Variants in EXOC4 observed in about 807,000 individuals in gnomAD.
EXOC4 encodes the protein exocyst complex component 4.
A neutral mutation model predicts 107.2 loss-of-function variants in EXOC4; 71 were observed. That is an observed-to-expected ratio of 0.66 (90% CI 0.55 to 0.81). The LOEUF (loss-of-function observed/expected upper bound fraction) is 0.81. Among genes scored for constraint, EXOC4 ranks in the 30% least tolerant of loss-of-function variants. The pLI, the probability that EXOC4 is intolerant of heterozygous loss-of-function variation, is 0.00. For synonymous variants in EXOC4, 456 were observed against 441.2 expected (o/e 1.03, Z -0.42); for missense variants, 1,108 against 1,189.6 (o/e 0.93, Z 1.01).
chr7:133,803,241 T>G (rs1028183780), intron 10 of EXOC4, among the ~76,000 whole-genome samples: 3 of 152,252 alleles, frequency 2.0e-5, no homozygotes, highest in Non-Finnish European at 4.4e-5. Context: ...TCCATTAAGA[T>G]GTATTTTGTA....
intron 13 of EXOC4, among the ~76,000 whole-genome samples, chr7:133,925,195 T>C (rs980571876): frequency 6.6e-5 from 10 of 152,172 alleles, no homozygotes; most frequent in African/African-American, 9.7e-5. Context: ...TTGCATTGAA[T>C]AAAGGTTACG....
chr7:133,567,325 T>C (rs987925942), intron 9 of EXOC4, among the ~76,000 whole-genome samples: 4 of 151,934 alleles, frequency 2.6e-5, no homozygotes, highest in African/African-American at 7.2e-5. Flanking sequence ...TGAACATCAT[T>C]TTTTTTTCAT....
intron 5 of EXOC4, among the ~76,000 whole-genome samples, chr7:133,346,175 T>G (rs1795779754): frequency 6.6e-6 from 1 of 152,202 alleles, no homozygotes; most frequent in African/African-American, 2.4e-5. Flanking sequence ...GATACAGATT[T>G]GGCAAGGGCA....
At chr7:134,058,621 G>T (rs1053821680) in intron 17 of EXOC4, among the ~76,000 whole-genome samples, 1 of 152,098 alleles carries the variant, frequency 6.6e-6, no homozygotes, top group Admixed American at 6.6e-5. Flanking sequence ...TGCAAAGTTT[G>T]TACAAACGAA....
chr7:133,999,864 C>T (rs1184420717), intron 15 of EXOC4, among the ~76,000 whole-genome samples: 1 of 152,130 alleles, frequency 6.6e-6, no homozygotes, highest in East Asian at 1.9e-4. Flanking sequence ...TTTGATACAT[C>T]TTGGCAATAC....
intron 10 of EXOC4, among the ~76,000 whole-genome samples, chr7:133,765,520 T>C (rs1182221563): frequency 1.3e-5 from 2 of 152,006 alleles, no homozygotes; most frequent in Non-Finnish European, 2.9e-5. Context: ...AAATCGTTTA[T>C]TTCTTGATCA....
At chr7:134,061,770 A>G (rs889798737) in intron 17 of EXOC4, among the ~76,000 whole-genome samples, 3 of 152,166 alleles carry the variant, frequency 2.0e-5, no homozygotes, top group Non-Finnish European at 4.4e-5. Flanking sequence ...TCATTTCCCA[A>G]AATAGGGGCC....
Position 133,841,886 on chromosome 7 carries a change from C to T in EXOC4, c.1734+24342C>T, listed in dbSNP as rs569989424. 6.6e-5 allele frequency among the ~76,000 whole-genome samples: 10 copies of T among 152,278 alleles called. No individual in the cohort carries two copies. The East Asian group carries it at 1.9e-3, about 29-fold the overall frequency. ...GTGTTCATATGTGCTCCATGTTTAG[C>T]TCTCACTTATAAGTGAGAACATGCA... is the stretch of plus-strand genomic sequence containing the variant. On this transcript the variant is annotated intron_variant, in intron 11 of 17. Coordinates refer to ENST00000253861, the MANE Select transcript of EXOC4 (RefSeq NM_021807.4).
At chr7:133,431,331 A>G (rs1180201285) in intron 7 of EXOC4, among the ~76,000 whole-genome samples, 1 of 152,202 alleles carries the variant, frequency 6.6e-6, no homozygotes, top group Admixed American at 6.5e-5. Flanking sequence ...CATTCATAAC[A>G]AGAAAAAAAC....
At chr7:133,667,240 C>G (rs60813828) in intron 10 of EXOC4, among the ~76,000 whole-genome samples, 19,578 of 152,168 alleles carry the variant, frequency 0.13, 1,376 homozygotes, top group East Asian at 0.25. Context: ...ACAGAAAACA[C>G]AGGAGCCAGG....
At chr7:133,392,656 T>A (rs1796879142) in intron 7 of EXOC4, among the ~76,000 whole-genome samples, 1 of 152,120 alleles carries the variant, frequency 6.6e-6, no homozygotes, top group African/African-American at 2.4e-5. Flanking sequence ...ATGTGAAAAA[T>A]TTCAGGTTCC....
chr7:133,500,548 A>G (rs1377996345), intron 9 of EXOC4, among the ~76,000 whole-genome samples: 21 of 152,162 alleles, frequency 1.4e-4, no homozygotes, highest in Admixed American at 1.4e-3. Flanking sequence ...TTGTTGATAT[A>G]CATTTGGGTT....
chr7:133,788,552 G>A (rs1338648296), intron 10 of EXOC4, among the ~76,000 whole-genome samples: 1 of 152,036 alleles, frequency 6.6e-6, no homozygotes, highest in Non-Finnish European at 1.5e-5. Flanking sequence ...GAGTACAGTG[G>A]TGTGATCTTG....
At chr7:133,394,263 TTTA>T (rs1448754554) in intron 7 of EXOC4, among the ~76,000 whole-genome samples, 1 of 152,248 alleles carries the variant, frequency 6.6e-6, no homozygotes. Context: ...AAACTTGTCC[TTTA>T]TTCTTTGAAA....
chr7:133,958,352 C>T (rs1399380292), intron 14 of EXOC4, among the ~76,000 whole-genome samples: 1 of 151,850 alleles, frequency 6.6e-6, no homozygotes, highest in African/African-American at 2.4e-5. Context: ...CTCTAGTCAT[C>T]CATTTATCTC....
rs1177627198 is a variant in EXOC4 at position 133,661,672 on chromosome 7, T to TAAA, written c.1514+31545_1514+31547dup. Reference sequence around the variant, plus strand: ...TGTTAAATTCTCCACTCCTTAAAACTAAAAAAAAAAAAAAAACAAAAAAAA... The same window carrying TAAA: ...TGTTAAATTCTCCACTCCTTAAAACTAAAAAAAAAAAAAAAAAAACAAAAAAAA... On this transcript the variant is annotated intron_variant, in intron 10 of 17. Coordinates refer to ENST00000253861, the MANE Select transcript of EXOC4 (RefSeq NM_021807.4). Among the ~76,000 whole-genome samples the TAAA allele has an allele frequency of 7.8e-3, 104 of 13,362 alleles. 1 individual carries two copies. Among genetic ancestry groups the TAAA allele is most frequent in the African/African-American group, 0.017 (61 of 3,580 alleles). 8.8% of individuals were successfully genotyped at this position (13,362 alleles called of 152,430 possible). A position where few individuals can be genotyped will look rare whatever the true frequency, so the allele number is the denominator to read the frequency against.
the EXOC4 span, among the ~76,000 whole-genome samples, chr7:134,085,853 G>T: frequency 2.0e-5 from 3 of 152,198 alleles, no homozygotes; most frequent in Non-Finnish European, 4.4e-5. Context: ...CTTGGGAATG[G>T]GTTATTCACA....
At chr7:134,079,863 A>C in the EXOC4 span, among the ~76,000 whole-genome samples, 3 of 152,180 alleles carry the variant, frequency 2.0e-5, no homozygotes, top group African/African-American at 7.2e-5. Context: ...GAGCACAAGG[A>C]TGCTAAGCAC....
intron 14 of EXOC4, among the ~76,000 whole-genome samples, chr7:133,971,211 C>G (rs145120364): frequency 1.3e-5 from 2 of 151,412 alleles, no homozygotes; most frequent in South Asian, 4.2e-4. Flanking sequence ...CAGGACTTGA[C>G]GAGTAAGAGA....
Sources: gnomAD v4.1 joint callset for allele counts (sites outside exome capture counted in the v4.1 genomes callset) on GRCh38, gnomAD v4.1.1 for gene constraint, MANE v1.5 for transcripts, NCBI Gene and HGNC (gene_info 2026-07-23, HGNC 2026-07-21) for gene names.